The following PRKCE variants were observed in gnomAD, a reference collection of about 807,000 sequenced individuals.
The protein encoded by PRKCE is protein kinase C epsilon, also known as protein kinase C epsilon type.
Under a neutral mutation model 85.4 loss-of-function variants are expected in PRKCE, and 16 were observed. The ratio of observed to expected loss-of-function variants is 0.19; its 90% CI spans 0.13 to 0.28. The LOEUF is 0.28. Ranked by LOEUF, PRKCE falls within the 10% of genes least tolerant of loss-of-function variation. The pLI, the probability that PRKCE is intolerant of heterozygous loss-of-function variation, is 1.00. For missense variants in PRKCE, 573 were observed against 975.2 expected (o/e 0.59, Z 5.49); for synonymous variants, 388 against 371.5 (o/e 1.04, Z -0.51).
intron 2 of PRKCE, among the ~76,000 whole-genome samples, chr2:45,953,539 A>G (rs558549282): frequency 4.6e-5 from 7 of 152,174 alleles, no homozygotes; most frequent in Non-Finnish European, 1.0e-4. Flanking sequence ...CTAAACTAAA[A>G]AATGACATTG....
At chr2:46,122,886 T>TG (rs1558478454) in intron 11 of PRKCE, among the ~76,000 whole-genome samples, 1 of 148,472 alleles carries the variant, frequency 6.7e-6, no homozygotes, top group Non-Finnish European at 1.5e-5. Flanking sequence ...TCTGGGTTTT[T>TG]TTTTTTTTTT....
At chr2:45,834,520 CTTGCCTT>C (rs1690689685) in intron 1 of PRKCE, among the ~76,000 whole-genome samples, 1 of 152,138 alleles carries the variant, frequency 6.6e-6, no homozygotes, top group African/African-American at 2.4e-5. Context: ...TGAGTCAGCT[CTTGCCTT>C]TTGCTGATTA....
At chr2:45,879,601 G>GC (rs2105801701) in intron 2 of PRKCE, among the ~76,000 whole-genome samples, 1 of 152,322 alleles carries the variant, frequency 6.6e-6, no homozygotes, top group Non-Finnish European at 1.5e-5. Context: ...CTGCCACAGG[G>GC]CCCGAGTGGA....
intron 10 of PRKCE, among the ~76,000 whole-genome samples, chr2:46,023,117 A>G (rs958821347): frequency 4.6e-5 from 7 of 151,124 alleles, no homozygotes; most frequent in African/African-American, 2.4e-5. Flanking sequence ...AAAATCATCT[A>G]TATAGATAGA....
At chr2:45,955,713 G>T (rs555205055) in intron 2 of PRKCE, among the ~76,000 whole-genome samples, 1 of 152,010 alleles carries the variant, frequency 6.6e-6, no homozygotes, top group East Asian at 1.9e-4. Flanking sequence ...TCTAAATTGC[G>T]CTCAGGGTTA....
chr2:46,060,723 A>G (rs1014928577), intron 10 of PRKCE, among the ~76,000 whole-genome samples: 1 of 149,754 alleles, frequency 6.7e-6, no homozygotes, highest in Non-Finnish European at 1.5e-5. Context: ...TCAATCTTAT[A>G]GTCAGATTTT....
intron 1 of PRKCE, chr2:45,674,637 G>C (rs1279894488): frequency 6.6e-6 from 1 of 152,206 alleles, no homozygotes; most frequent in Non-Finnish European, 1.5e-5. Flanking sequence ...AGGAAAAACA[G>C]GTCATAAATT....
At chr2:45,787,956 T>C (rs1195240254) in intron 1 of PRKCE, among the ~76,000 whole-genome samples, 2 of 152,156 alleles carry the variant, frequency 1.3e-5, no homozygotes, top group Non-Finnish European at 2.9e-5. Flanking sequence ...GTCTTAGCTG[T>C]CTCTCATGTT....
intron 2 of PRKCE, among the ~76,000 whole-genome samples, chr2:45,888,699 G>A (rs1486710847): frequency 2.0e-5 from 3 of 152,050 alleles, no homozygotes; most frequent in African/African-American, 7.2e-5. Context: ...TGATCCACCC[G>A]CTTTGGCCTC....
chr2:45,799,201 C>T (rs991079662), intron 1 of PRKCE, among the ~76,000 whole-genome samples: 1 of 151,442 alleles, frequency 6.6e-6, no homozygotes, highest in Admixed American at 6.6e-5. Flanking sequence ...CATTTTCATT[C>T]ATTATTGATG....
intron 12 of PRKCE, among the ~76,000 whole-genome samples, chr2:46,148,067 G>T (rs1008940470): frequency 1.3e-5 from 2 of 152,248 alleles, no homozygotes; most frequent in African/African-American, 4.8e-5. Context: ...ACCAGAGACA[G>T]CTTTGGAGGC....
At chr2:45,690,337 T>C (rs1677633022) in intron 1 of PRKCE, among the ~76,000 whole-genome samples, 1 of 152,228 alleles carries the variant, frequency 6.6e-6, no homozygotes, top group Non-Finnish European at 1.5e-5. Context: ...ATGTGCTGCT[T>C]CTCTTGGGGG....
intron 1 of PRKCE, among the ~76,000 whole-genome samples, chr2:45,677,466 C>T (rs1367526576): frequency 7.9e-5 from 12 of 151,680 alleles, no homozygotes; most frequent in African/African-American, 1.7e-4. Flanking sequence ...CCGCCATTCT[C>T]CTGCCTCAGC....
chr2:45,824,337 C>T (rs1689772258), intron 1 of PRKCE, among the ~76,000 whole-genome samples: 1 of 152,166 alleles, frequency 6.6e-6, no homozygotes, highest in Non-Finnish European at 1.5e-5. Context: ...TTCCAAAGCC[C>T]TTACCATTGT....
intron 10 of PRKCE, among the ~76,000 whole-genome samples, chr2:46,044,586 T>C (rs1385678650): frequency 6.6e-6 from 1 of 152,226 alleles, no homozygotes; most frequent in Non-Finnish European, 1.5e-5. Flanking sequence ...TAACTTAGCA[T>C]GCTGTTATTA....
At chr2:46,113,808 C>G (rs1027516570) in intron 11 of PRKCE, among the ~76,000 whole-genome samples, 2 of 152,142 alleles carry the variant, frequency 1.3e-5, no homozygotes, top group Non-Finnish European at 2.9e-5. Context: ...GTGACCCCTT[C>G]TCATACCCAT....
rs10708579 is a variant in PRKCE, at chr2:45,718,339, C to CT, written c.348+65915dup. On this transcript the variant is annotated intron_variant, in intron 1 of 14. Coordinates refer to ENST00000306156, the MANE Select transcript of PRKCE (RefSeq NM_005400.3). ...AGAGCTAATAATTACCAAATGCTTA[C>CT]TTTTTTTTTTTTTTTTTTTTTTTTG... Among the ~76,000 whole-genome samples, 238 of 83,330 alleles carry CT rather than the reference C, an allele frequency of 2.9e-3. 1 individual carries two copies. The highest frequency in any genetic ancestry group is 6.8e-3 in the Middle Eastern group (1 of 146). 54.7% of individuals were successfully genotyped at this position (83,330 alleles called of 152,430 possible). A position where few individuals can be genotyped will look rare whatever the true frequency, so the allele number is the denominator to read the frequency against.
At chr2:46,079,567 A>G (rs1208159406) in intron 10 of PRKCE, among the ~76,000 whole-genome samples, 1 of 152,212 alleles carries the variant, frequency 6.6e-6, no homozygotes, top group African/African-American at 2.4e-5. Flanking sequence ...CAATTTCCTT[A>G]TATGGTACAT....
intron 1 of PRKCE, among the ~76,000 whole-genome samples, chr2:45,817,961 C>T (rs1012597608): frequency 6.6e-6 from 1 of 152,220 alleles, no homozygotes; most frequent in Non-Finnish European, 1.5e-5. Flanking sequence ...TCAGACCAGG[C>T]TCAGTCTCCC....
Sources: allele counts gnomAD v4.1 joint callset (sites outside exome capture counted in the v4.1 genomes callset), GRCh38; gene constraint gnomAD v4.1.1; transcripts MANE v1.5; gene names NCBI Gene and HGNC (gene_info 2026-07-23, HGNC 2026-07-21).